The following DENND2C variants were observed in gnomAD, a reference collection of about 807,000 sequenced individuals.
DENND2C encodes the protein DENN domain containing 2C, also known as DENN domain-containing protein 2C.
DENND2C carries 72 observed loss-of-function variants against 112.4 expected under a neutral mutation model. That is an observed-to-expected ratio of 0.64 (90% confidence interval 0.53 to 0.78). The LOEUF (loss-of-function observed/expected upper bound fraction) is 0.78, where lower values mean the gene tolerates loss of function less well. Among genes scored for constraint, DENND2C ranks in the 30% least tolerant of loss-of-function variants. The pLI is 0.00. For synonymous variants in DENND2C, 329 were observed against 381.6 expected (o/e 0.86, Z 1.61); for missense variants, 992 against 1,113.8 (o/e 0.89, Z 1.56).
intron 1 of DENND2C, among the ~76,000 whole-genome samples, chr1:114,656,102 C>G (rs974943542): frequency 4.6e-5 from 7 of 151,666 alleles, no homozygotes; most frequent in Admixed American, 1.3e-4. Flanking sequence ...GGGTCTTGCT[C>G]TGTCATCCAG....
At chr1:114,658,280 C>G (rs1657386881) in intron 1 of DENND2C, among the ~76,000 whole-genome samples, 3 of 151,730 alleles carry the variant, frequency 2.0e-5, no homozygotes, top group African/African-American at 7.3e-5. Flanking sequence ...TGATTAGGGA[C>G]CATAGATAAG....
chr1:114,612,023 G>C (rs1279652200), intron 8 of DENND2C, among the ~76,000 whole-genome samples: 1 of 152,016 alleles, frequency 6.6e-6, no homozygotes, highest in Non-Finnish European at 1.5e-5. Flanking sequence ...CAGACACAAG[G>C]CTAAGTTTCT....
chr1:114,622,649 G>C (rs1656197330), intron 6 of DENND2C, among the ~76,000 whole-genome samples: 1 of 151,992 alleles, frequency 6.6e-6, no homozygotes, highest in African/African-American at 2.4e-5. Flanking sequence ...TTGCTTCTAG[G>C]CGTCTCACAT....
At chr1:114,598,134 C>T (rs904656463) in intron 16 of DENND2C, among the ~76,000 whole-genome samples, 4 of 152,114 alleles carry the variant, frequency 2.6e-5, no homozygotes, top group African/African-American at 7.2e-5. Context: ...CAAGTATATA[C>T]CCATTGAACT....
At chr1:114,587,366 C>G in intron 20 of DENND2C, 21 bp downstream of exon 20, 2 of 1,613,874 alleles carry the variant, frequency 1.2e-6, no homozygotes, top group South Asian at 2.2e-5. Context: ...ATTTATCTAA[C>G]AGGAAAACAC....
intron 1 of DENND2C, among the ~76,000 whole-genome samples, chr1:114,658,590 A>G (rs900329768): frequency 6.6e-6 from 1 of 152,166 alleles, no homozygotes; most frequent in African/African-American, 2.4e-5. Flanking sequence ...TAATAAAAAC[A>G]AAAAGAAGAT....
chr1:114,612,576 G>C (rs938943675), intron 8 of DENND2C, among the ~76,000 whole-genome samples: 1 of 150,312 alleles, frequency 6.7e-6, no homozygotes, highest in African/African-American at 2.5e-5. Flanking sequence ...CTGGAGTGCA[G>C]TGGCACAATC....
intron 3 of DENND2C, among the ~76,000 whole-genome samples, chr1:114,636,606 C>A (rs1320923343): frequency 6.6e-6 from 1 of 151,880 alleles, no homozygotes; most frequent in Non-Finnish European, 1.5e-5. Context: ...TCTGAGAGGT[C>A]GAGGCTGCAG....
intron 7 of DENND2C, among the ~76,000 whole-genome samples, chr1:114,618,977 A>C (rs2101661533): frequency 6.6e-6 from 1 of 152,368 alleles, no homozygotes; most frequent in Non-Finnish European, 1.5e-5. Flanking sequence ...TAACATTATA[A>C]TTTATTTTAG....
rs1371830867 is a variant in DENND2C at position 114,633,468 on chromosome 1, AGAAG to A, written c.-204-7284_-204-7281del. Among the ~76,000 whole-genome samples, 1,204 of 148,998 alleles carry A rather than the reference AGAAG, an allele frequency of 8.1e-3. 15 individuals are homozygous for A. Among genetic ancestry groups the A allele is most frequent in the African/African-American group, 0.029 (1,160 of 40,106 alleles). On this transcript the variant is annotated intron_variant, in intron 3 of 20. Coordinates refer to ENST00000393274, the MANE Select transcript of DENND2C (RefSeq NM_001256404.2). ...AAAAAAAAAAAAAAAAAAAAGAAAA[AGAAG>A]GAAGGAAGGAAGGAATGAAGGAAGG...
intron 8 of DENND2C, among the ~76,000 whole-genome samples, chr1:114,617,657 C>CAAAA (rs34802002): frequency 8.4e-6 from 1 of 118,696 alleles, no homozygotes. Context: ...TACCTTCAGT[C>CAAAA]AAAAAAAAAA....
rs982122663 is a variant in DENND2C, at chr1:114,654,707, C to A, written c.-519G>T. The stretch of plus-strand genomic sequence containing the variant: ...AAGATTAAGTTTTGGTACATACAGC[C>A]GGAACTGGAAATAGCAAGTGGTTTA... On this transcript the variant is annotated 5_prime_UTR_variant, in exon 2 of 21. Transcript: ENST00000393274. The A allele has an allele frequency of 6.6e-6, 1 of 150,974 alleles. No individual in the cohort carries two copies. The highest frequency in any genetic ancestry group is 6.6e-5 in the Admixed American group (1 of 15,134). The allele number at this position is 150,974 out of a possible 1,614,324, so 9.4% of individuals were successfully genotyped here.
At chr1:114,638,496 C>T (rs1240863883) in intron 3 of DENND2C, among the ~76,000 whole-genome samples, 1 of 152,114 alleles carries the variant, frequency 6.6e-6, no homozygotes, top group Non-Finnish European at 1.5e-5. Context: ...CAGTGGCTCA[C>T]ACCTGTAATC....
rs188943820 is a variant in DENND2C at position 114,659,915 on chromosome 1, C to T, written c.-573-5154G>A. Among the ~76,000 whole-genome samples, 65 of 151,738 alleles carry T rather than the reference C, an allele frequency of 4.3e-4. 1 individual carries two copies. Among genetic ancestry groups the T allele is most frequent in the Admixed American group, 8.6e-4 (13 of 15,200 alleles). On this transcript the variant is annotated intron_variant, in intron 1 of 20. Coordinates refer to ENST00000393274, the MANE Select transcript of DENND2C (RefSeq NM_001256404.2). ...ACGCGATCCTTCTACCTCAATCTCC[C>T]GGATAGCTAAGACCACAGGAACACA...
rs559182600 is a variant in DENND2C at position 114,609,697 on chromosome 1, C to T, written c.1370-824G>A. On this transcript the variant is annotated intron_variant, in intron 9 of 20. Coordinates refer to ENST00000393274, the MANE Select transcript of DENND2C (RefSeq NM_001256404.2). ...CCAGTGATTTGCTTATGTATAATTC[C>T]GAGCCACTGATAGACTCAACCTCTA... Among the ~76,000 whole-genome samples the T allele has an allele frequency of 1.1e-4, 16 of 152,226 alleles. No individual in the cohort carries two copies. In the South Asian group the frequency reaches 3.3e-3, roughly 32 times the overall value.
intron 8 of DENND2C, among the ~76,000 whole-genome samples, chr1:114,616,924 A>G (rs1655987132): frequency 6.6e-6 from 1 of 152,184 alleles, no homozygotes; most frequent in Non-Finnish European, 1.5e-5. Context: ...CCATATGGCT[A>G]GGGAGGCCTC....
chr1:114,594,375 T>C, intron 18 of DENND2C, 98 bp downstream of exon 18: 1 of 985,598 alleles, frequency 1.0e-6, no homozygotes, highest in Non-Finnish European at 1.6e-6. Context: ...GGCAATCTAA[T>C]GCTACTTTGG....
chr1:114,637,902 T>C (rs930676245), intron 3 of DENND2C, among the ~76,000 whole-genome samples: 4 of 152,172 alleles, frequency 2.6e-5, no homozygotes, highest in African/African-American at 9.7e-5. Flanking sequence ...AATCTGTAGA[T>C]TCAACAAAAT....
intron 11 of DENND2C, among the ~76,000 whole-genome samples, chr1:114,604,546 A>C (rs1157265317): frequency 6.6e-6 from 1 of 152,210 alleles, no homozygotes; most frequent in East Asian, 1.9e-4. Context: ...AAAGAAGATA[A>C]AGATGAAGAC....
Sources: allele counts gnomAD v4.1 joint callset (sites outside exome capture counted in the v4.1 genomes callset), GRCh38; gene constraint gnomAD v4.1.1; transcripts MANE v1.5; gene names NCBI Gene and HGNC (gene_info 2026-07-23, HGNC 2026-07-21).